ABCA1: variants seen among roughly 807,000 people sequenced by gnomAD.
ABCA1 encodes the protein ATP binding cassette subfamily A member 1.
ABCA1 carries 133 observed loss-of-function variants against 262.5 expected under a neutral mutation model. The observed-to-expected ratio is 0.51, with a 90% CI of 0.44 to 0.59. The LOEUF is 0.59. Ranked by LOEUF, ABCA1 falls within the 20% of genes least tolerant of loss-of-function variation. The pLI is 0.00. For synonymous variants in ABCA1, 1,022 were observed against 1,043.5 expected (o/e 0.98, Z 0.40); for missense variants, 2,452 against 2,777.5 (o/e 0.88, Z 2.63).
chr9:104,782,390 C>T lies in ABCA1; in HGVS notation c.*1925G>A, dbSNP rs962039788. Reference sequence around the variant, plus strand: ...GAAAGATTAATTTGAAATCTGAAGTCTTACACCTTTAGCGTTAATATTCAA... The same window carrying T: ...GAAAGATTAATTTGAAATCTGAAGTTTTACACCTTTAGCGTTAATATTCAA... On this transcript the variant is annotated 3_prime_UTR_variant, in exon 50 of 50. Coordinates refer to ENST00000374736, the MANE Select transcript of ABCA1 (RefSeq NM_005502.4). The T allele has an allele frequency of 1.6e-4, 25 of 151,992 alleles. No homozygotes were observed. Among genetic ancestry groups the T allele is most frequent in the African/African-American group, 5.8e-4 (24 of 41,404 alleles). 9.4% of individuals were successfully genotyped at this position (151,992 alleles called of 1,614,324 possible).
At chr9:104,891,320 G>A (rs1839723298) in intron 2 of ABCA1, among the ~76,000 whole-genome samples, 1 of 152,056 alleles carries the variant, frequency 6.6e-6, no homozygotes. Context: ...ATCACTTTGT[G>A]AGGCCAAGGC....
chr9:104,925,709 G>C (rs1267081173), intron 1 of ABCA1, among the ~76,000 whole-genome samples: 1 of 152,170 alleles, frequency 6.6e-6, no homozygotes, highest in Non-Finnish European at 1.5e-5. Flanking sequence ...TTAATGGTTT[G>C]TGGAAGCACT....
intron 2 of ABCA1, among the ~76,000 whole-genome samples, chr9:104,895,813 A>G (rs1564268585): frequency 6.6e-6 from 1 of 152,190 alleles, no homozygotes; most frequent in Non-Finnish European, 1.5e-5. Context: ...CTGAGGACAC[A>G]GTCACGGTGC....
At chr9:104,873,428 G>T (rs183299708) in intron 5 of ABCA1, among the ~76,000 whole-genome samples, 1 of 152,152 alleles carries the variant, frequency 6.6e-6, no homozygotes, top group Non-Finnish European at 1.5e-5. Flanking sequence ...ACATTCCATC[G>T]GTGCCTGAAG....
chr9:104,868,171 C>T (rs141743020), intron 5 of ABCA1, among the ~76,000 whole-genome samples: 1,555 of 152,190 alleles, frequency 0.01, 26 homozygotes, highest in African/African-American at 0.036. Flanking sequence ...ACCAGCCTGA[C>T]CAACATGAAG....
At chr9:104,789,814 C>A (rs2118850221) in intron 44 of ABCA1, among the ~76,000 whole-genome samples, 1 of 152,310 alleles carries the variant, frequency 6.6e-6, no homozygotes, top group South Asian at 2.1e-4. Context: ...TCCAGAGAAG[C>A]CGGGCGCAGT....
At chr9:104,860,053 CAAAAAAAA>C (rs200596186) in intron 6 of ABCA1, among the ~76,000 whole-genome samples, 4 of 62,720 alleles carry the variant, frequency 6.4e-5, no homozygotes, top group African/African-American at 1.3e-4. Context: ...GACTCCAACT[CAAAAAAAA>C]AAAAAAAAAA....
Position 104,785,420 on chromosome 9 carries a change from A to C in ABCA1, c.6621T>G (p.Ser2207=). The C allele has an allele frequency of 6.2e-7, 1 of 1,614,072 alleles. No homozygotes were observed. The highest frequency in any genetic ancestry group is 8.5e-7 in the Non-Finnish European group (1 of 1,179,962). The change falls in exon 49 of 50, where the codon TCT becomes TCG. Residue 2207 remains serine, a synonymous_variant. Transcript: ENST00000374736. ...SKKRLHIEDY[S]VSQTTLDQVF... ...CTTGGTCAAGTGTTGTCTGAGAAAC[A>C]GAGTAGTCTTCTATGTGGAGTCGCT...
intron 1 of ABCA1, among the ~76,000 whole-genome samples, chr9:104,910,806 G>T (rs2118477347): frequency 6.6e-6 from 1 of 152,322 alleles, no homozygotes; most frequent in African/African-American, 2.4e-5. Context: ...CCAGGTTCAA[G>T]TGATTCTCCT....
chr9:104,858,185 T>A (rs1687053285), intron 7 of ABCA1, among the ~76,000 whole-genome samples: 1 of 152,182 alleles, frequency 6.6e-6, no homozygotes, highest in Admixed American at 6.5e-5. Flanking sequence ...ACTTTTTTTT[T>A]TTAAATATGA....
Position 104,784,382 on chromosome 9 carries a change from G to A in ABCA1, c.6719C>T (p.Thr2240Ile), listed in dbSNP as rs1039038676. ...LKDLSLHKNQ[T>I]VVDVAVLTSF... ...TGTGAGAACTGCAACGTCCACTACTGTCTGGTTTTTGTGTAATGAGAGGTC... is the reference window on the plus strand; with the variant it reads ...TGTGAGAACTGCAACGTCCACTACTATCTGGTTTTTGTGTAATGAGAGGTC... Residue 2240 changes from threonine (T) to isoleucine (I), a missense_variant, in exon 50 of 50, where the codon ACA becomes ATA. Transcript: ENST00000374736. 1 of 1,613,960 alleles carries A rather than the reference G, an allele frequency of 6.2e-7. No individual in the cohort carries two copies.
intron 16 of ABCA1, among the ~76,000 whole-genome samples, chr9:104,826,208 T>C (rs1293814261): frequency 6.6e-6 from 1 of 151,276 alleles, no homozygotes; most frequent in African/African-American, 2.4e-5. Flanking sequence ...CACATGCGCA[T>C]ACCCACAGTC....
intron 7 of ABCA1, among the ~76,000 whole-genome samples, chr9:104,857,160 T>C (rs1835908078): frequency 6.6e-6 from 1 of 152,008 alleles, no homozygotes; most frequent in Non-Finnish European, 1.5e-5. Flanking sequence ...AAAAAATAGC[T>C]GGGCGTGGTG....
intron 37 of ABCA1, among the ~76,000 whole-genome samples, chr9:104,798,079 TG>T (rs1272140813): frequency 9.9e-5 from 15 of 152,244 alleles, no homozygotes; most frequent in African/African-American, 4.8e-5. Flanking sequence ...ATTCTGACTC[TG>T]GAGGTTAAAA....
In ABCA1 at chr9:104,788,343, A is replaced by C. The variant is rs80237807; in HGVS notation, c.6069+83T>G. 9.1e-3 allele frequency: 14,495 copies of C among 1,593,366 alleles called. 110 individuals are homozygous for C. The highest frequency in any genetic ancestry group is 0.017 in the Middle Eastern group (101 of 5,998). ...GCATTCATGAGGAAAAACAGCCTGAAGTCAATGCGTGTGGAAAAGCCATAA... is the reference window on the plus strand; with the variant it reads ...GCATTCATGAGGAAAAACAGCCTGACGTCAATGCGTGTGGAAAAGCCATAA... On this transcript the variant is annotated intron_variant, in intron 45 of 49. Coordinates refer to ENST00000374736, the MANE Select transcript of ABCA1 (RefSeq NM_005502.4).
intron 5 of ABCA1, among the ~76,000 whole-genome samples, chr9:104,882,047 A>AAAAAAAAAAAAAAAAAAAAAC (rs1838716302): frequency 6.7e-6 from 1 of 149,372 alleles, no homozygotes; most frequent in African/African-American, 2.4e-5. Flanking sequence ...AAAAAAAAAA[A>AAAAAAAAAAAAAAAAAAAAAC]AAAAAAAAAA....
rs148773623 is a variant in ABCA1, at chr9:104,849,096, T to C, written c.721-3527A>G. On this transcript the variant is annotated intron_variant, in intron 7 of 49. Coordinates refer to ENST00000374736, the MANE Select transcript of ABCA1 (RefSeq NM_005502.4). ...AATGAATTTACATCTTCAAGGGCAA[T>C]AGTTTTTCCAACATCTTTAGGACTT... is the stretch of plus-strand genomic sequence containing the variant. Among the ~76,000 whole-genome samples, 776 of 152,326 alleles carry C rather than the reference T, an allele frequency of 5.1e-3. 4 individuals carry two copies. Among genetic ancestry groups the C allele is most frequent in the African/African-American group, 0.017 (721 of 41,574 alleles).
intron 32 of ABCA1, among the ~76,000 whole-genome samples, chr9:104,803,821 G>A (rs531821166): frequency 1.3e-5 from 2 of 152,158 alleles, no homozygotes; most frequent in South Asian, 2.1e-4. Flanking sequence ...TGGCCAGGCT[G>A]GTCTCAAACT....
chr9:104,862,653 CCGGGCCGGGCCGGGCCGGGCCGG>C lies in ABCA1; in HGVS notation c.422-876_422-854del, dbSNP rs1836599987. ...GACTGCCGGGCCGGGCCGGGCCGGGCCGGGCCGGGCCGGGCCGGGCCGGGCCGGGCCGGGCCGGGCCGGGCCGG... is the reference window on the plus strand; with the variant it reads ...GACTGCCGGGCCGGGCCGGGCCGGGCGCCGGGCCGGGCCGGGCCGGGCCGG... On this transcript the variant is annotated intron_variant, in intron 5 of 49. Transcript: ENST00000374736. 4.5e-3 allele frequency among the ~76,000 whole-genome samples: 16 copies of C among 3,584 alleles called. 2 individuals carry two copies. Among genetic ancestry groups the C allele is most frequent in the African/African-American group, 7.9e-3 (7 of 886 alleles). The allele number at this position is 3,584 out of a possible 152,430, so 2.4% of individuals were successfully genotyped here. A position where few individuals can be genotyped will look rare whatever the true frequency, so the allele number is the denominator to read the frequency against.
Sources: gnomAD v4.1 joint callset for allele counts (sites outside exome capture counted in the v4.1 genomes callset) on GRCh38, gnomAD v4.1.1 for gene constraint, MANE v1.5 for transcripts, NCBI Gene and HGNC (gene_info 2026-07-23, HGNC 2026-07-21) for gene names.